The following ERI1 variants were observed in gnomAD, a reference collection of about 807,000 sequenced individuals.
The protein encoded by ERI1 is 3'-5' exoribonuclease 1.
ERI1 carries 39 observed loss-of-function variants against 39.7 expected under a neutral mutation model. The observed-to-expected ratio is 0.98, with a 90% confidence interval of 0.76 to 1.28. ERI1 has a LOEUF of 1.28. Among genes scored for constraint, ERI1 ranks in the 50% most tolerant of loss-of-function variants. The pLI, the probability that ERI1 is intolerant of heterozygous loss-of-function variation, is 0.00. For missense variants in ERI1, 581 were observed against 416.9 expected, an observed-to-expected ratio of 1.39 and a Z score of -3.43; for synonymous variants, 204 against 149.6, an observed-to-expected ratio of 1.36 and a Z score of -2.65.
At chr8:9,082,542 A>T (rs1221568999) in intron 3 of ERI1, among the ~76,000 whole-genome samples, 2 of 152,200 alleles carry the variant, frequency 1.3e-5, no homozygotes, top group African/African-American at 4.8e-5. Flanking sequence ...TGTGTAAAAG[A>T]TGCAACAGCA....
chr8:9,060,640 A>G (rs1309841980), intron 3 of ERI1, among the ~76,000 whole-genome samples: 9 of 152,126 alleles, frequency 5.9e-5, no homozygotes, highest in Admixed American at 5.9e-4. Context: ...GGAAGGAGAT[A>G]TTTTCCTTGG....
At chr8:9,096,668 C>T (rs1385295704) in intron 3 of ERI1, 3 of 136,400 alleles carry the variant, frequency 2.2e-5, no homozygotes, top group East Asian at 2.5e-4. Context: ...AAGTCCCGTT[C>T]TATGAAATGA....
chr8:9,012,150 A>T (rs564137647), intron 3 of ERI1, among the ~76,000 whole-genome samples: 1 of 152,190 alleles, frequency 6.6e-6, no homozygotes, highest in Non-Finnish European at 1.5e-5. Flanking sequence ...TGGTTTTAAT[A>T]TGCGGTCAGG....
chr8:9,045,652 T>G (rs932105510), intron 3 of ERI1, among the ~76,000 whole-genome samples: 8 of 151,562 alleles, frequency 5.3e-5, no homozygotes, highest in Non-Finnish European at 7.4e-5. Flanking sequence ...TAAATAAATC[T>G]AATTTATCAT....
intron 3 of ERI1, among the ~76,000 whole-genome samples, chr8:9,068,599 C>A (rs1184276064): frequency 6.6e-6 from 1 of 152,126 alleles, no homozygotes; most frequent in African/African-American, 2.4e-5. Flanking sequence ...AAGCAACCTC[C>A]TCCCTCGCCT....
intron 3 of ERI1, among the ~76,000 whole-genome samples, chr8:9,041,172 T>A (rs1192110885): frequency 2.0e-5 from 3 of 152,044 alleles, no homozygotes; most frequent in African/African-American, 7.2e-5. Flanking sequence ...GTGAGAAAAA[T>A]GTGGGAATTC....
chr8:9,049,396 G>GA (rs11398414), intron 3 of ERI1, among the ~76,000 whole-genome samples: 22,019 of 128,338 alleles, frequency 0.17, 2,136 homozygotes, highest in African/African-American at 0.26. Flanking sequence ...AATTAATGGT[G>GA]AAAAAAAAAT....
At chr8:9,072,394 C>T (rs572884785) in intron 3 of ERI1, 2 of 152,208 alleles carry the variant, frequency 1.3e-5, no homozygotes, top group Non-Finnish European at 2.9e-5. Flanking sequence ...CTATTCACAG[C>T]ATATGCGCAA....
At chr8:9,083,664 C>G (rs542393019) in intron 3 of ERI1, among the ~76,000 whole-genome samples, 20 of 151,676 alleles carry the variant, frequency 1.3e-4, no homozygotes, top group African/African-American at 4.6e-4. Context: ...GGGAAGAATA[C>G]TGCTTCATGC....
chr8:9,008,198 A>T, intron 2 of ERI1, 50 bp downstream of exon 2: 1 of 1,388,418 alleles, frequency 7.2e-7, no homozygotes, highest in Non-Finnish European at 9.7e-7. Context: ...TGCTCATTTT[A>T]GAAAATCTTG....
chr8:9,097,074 G>A (rs1363695359), intron 3 of ERI1, among the ~76,000 whole-genome samples: 3 of 151,846 alleles, frequency 2.0e-5, no homozygotes, highest in East Asian at 1.9e-4. Flanking sequence ...TAGCTCTCCC[G>A]CTTCCTCTGG....
chr8:9,045,500 A>C (rs113462161), intron 3 of ERI1, among the ~76,000 whole-genome samples: 1,791 of 151,844 alleles, frequency 0.012, 39 homozygotes, highest in South Asian at 0.094. Flanking sequence ...GTGGCTCTCA[A>C]ATCTGATGTA....
chr8:9,016,447 C>A, intron 4 of ERI1, 42 bp downstream of exon 4: 1 of 1,270,226 alleles, frequency 7.9e-7, no homozygotes, highest in Non-Finnish European at 1.1e-6. Flanking sequence ...TGAAAGAGTT[C>A]TTGAAATTAG....
chr8:9,085,092 C>T (rs1262031674), intron 3 of ERI1, among the ~76,000 whole-genome samples: 2 of 152,264 alleles, frequency 1.3e-5, no homozygotes, highest in South Asian at 2.1e-4. Context: ...GGGGGTGGGG[C>T]CTACCAATCT....
chr8:9,049,336 C>CAAAAAAAAAAA (rs3989371), intron 3 of ERI1, among the ~76,000 whole-genome samples: 2 of 33,244 alleles, frequency 6.0e-5, no homozygotes, highest in African/African-American at 1.1e-4. Context: ...ACTCCGTCTC[C>CAAAAAAAAAAA]AAAAAAAAAA....
chr8:9,015,955 T>A (rs1817227472), intron 3 of ERI1, among the ~76,000 whole-genome samples: 1 of 152,138 alleles, frequency 6.6e-6, no homozygotes, highest in South Asian at 2.1e-4. Flanking sequence ...TGGCATTTCT[T>A]CAAAAGAATT....
At position 9,031,755 on chromosome 8, in the gene ERI1, A is replaced by G. The variant is rs1163994184; in HGVS notation, c.*1721A>G. On this transcript the variant is annotated 3_prime_UTR_variant, in exon 7 of 7. Coordinates refer to ENST00000250263, the MANE Select transcript of ERI1 (RefSeq NM_153332.4). ...CAACATTATAAGCTCTCAGTACCCT[A>G]TTTTGTTGTTGTTGTTGTTTGAGAC... 6.6e-6 allele frequency: 1 copy of G among 151,890 alleles called. No individual in the cohort carries two copies. Among genetic ancestry groups the G allele is most frequent in the Non-Finnish European group, 1.5e-5 (1 of 67,968 alleles). 9.4% of individuals were successfully genotyped at this position (151,890 alleles called of 1,614,324 possible).
At chr8:9,006,139 T>C (rs1815996426) in intron 1 of ERI1, among the ~76,000 whole-genome samples, 1 of 152,212 alleles carries the variant, frequency 6.6e-6, no homozygotes, top group Non-Finnish European at 1.5e-5. Flanking sequence ...CAAGTAGGGT[T>C]TTTAGTATTT....
chr8:9,094,814 A>T (rs1417952447), intron 3 of ERI1, among the ~76,000 whole-genome samples: 1 of 152,132 alleles, frequency 6.6e-6, no homozygotes, highest in African/African-American at 2.4e-5. Flanking sequence ...GCTAAATTTA[A>T]AGACTCAGAC....
Sources: allele counts gnomAD v4.1 joint callset (sites outside exome capture counted in the v4.1 genomes callset), GRCh38; gene constraint gnomAD v4.1.1; transcripts MANE v1.5; gene names NCBI Gene and HGNC (gene_info 2026-07-23, HGNC 2026-07-21).